BLM: variants seen among roughly 807,000 people sequenced by gnomAD.
BLM encodes BLM RecQ like helicase.
Under a neutral mutation model 135.3 loss-of-function variants are expected in BLM, and 95 were observed. That is an observed-to-expected ratio of 0.70 (90% CI 0.59 to 0.83). The LOEUF is 0.83. Among genes scored for constraint, BLM ranks in the 40% least tolerant of loss-of-function variants. The pLI is 0.00. For missense variants in BLM, 1,518 were observed against 1,663.9 expected (o/e 0.91, Z 1.53); for synonymous variants, 520 against 589.2 (o/e 0.88, Z 1.70).
chr15:90,740,771 G>C (rs1198488319), intron 1 of BLM, among the ~76,000 whole-genome samples: 2 of 152,112 alleles, frequency 1.3e-5, no homozygotes, highest in Non-Finnish European at 2.9e-5. Context: ...TAAGTCTCAC[G>C]AGAGCTGATG....
chr15:90,768,245 C>T (rs1896193034), intron 10 of BLM, among the ~76,000 whole-genome samples: 1 of 152,064 alleles, frequency 6.6e-6, no homozygotes, highest in African/African-American at 2.4e-5. Flanking sequence ...GCCCAGCCCA[C>T]ATATTTATTG....
chr15:90,751,599 C>G (rs1895684596), intron 3 of BLM, among the ~76,000 whole-genome samples, 188 bp from the exon 4 acceptor site: 1 of 152,192 alleles, frequency 6.6e-6, no homozygotes, highest in Non-Finnish European at 1.5e-5. Context: ...GGACTTAATC[C>G]ACTTGACTCA....
intron 11 of BLM, 96 bp downstream of exon 11, chr15:90,769,327 T>C: frequency 6.5e-7 from 1 of 1,539,642 alleles, no homozygotes; most frequent in Non-Finnish European, 9.0e-7. Context: ...AGTGAACGAG[T>C]CTCCTATTTT....
intron 1 of BLM, among the ~76,000 whole-genome samples, chr15:90,740,270 G>C (rs1895330605): frequency 6.6e-6 from 1 of 151,930 alleles, no homozygotes; most frequent in Non-Finnish European, 1.5e-5. Flanking sequence ...GCAATCAGTA[G>C]TCTACACTGT....
intron 16 of BLM, among the ~76,000 whole-genome samples, chr15:90,795,247 G>A (rs767379925): frequency 2.0e-5 from 3 of 152,200 alleles, no homozygotes; most frequent in Non-Finnish European, 4.4e-5. Flanking sequence ...GGGAGGCCGA[G>A]GCAGGAGGAT....
intron 1 of BLM, among the ~76,000 whole-genome samples, chr15:90,745,506 C>CCGAT: frequency 6.6e-6 from 1 of 152,118 alleles, no homozygotes; most frequent in Non-Finnish European, 1.5e-5. Context: ...GCCTCCTAGG[C>CCGAT]TCAAGCAGTC....
chr15:90,749,141 G>A (rs1388883109), intron 2 of BLM, among the ~76,000 whole-genome samples: 1 of 152,100 alleles, frequency 6.6e-6, no homozygotes, highest in Admixed American at 6.5e-5. Flanking sequence ...TAAAGTAGTG[G>A]GAATGACCTC....
At chr15:90,808,855 G>A (rs897671377) in intron 19 of BLM, 4 of 495,200 alleles carry the variant, frequency 8.1e-6, no homozygotes, top group East Asian at 7.5e-5. Flanking sequence ...TCCACTCCAC[G>A]CACATGGCAC....
In BLM at chr15:90,726,555, A is replaced by G. The variant is rs113083889; in HGVS notation, c.-5+9115A>G. On this transcript the variant is annotated intron_variant, in intron 1 of 21. Transcript: ENST00000355112. ...AGTGCTGGGATTACAGGCATGAGCCACCACACCCAGCCAATTTTGTATTCT... is the reference window on the plus strand; with the variant it reads ...AGTGCTGGGATTACAGGCATGAGCCGCCACACCCAGCCAATTTTGTATTCT... Among the ~76,000 whole-genome samples, 984 of 152,302 alleles carry G rather than the reference A, an allele frequency of 6.5e-3. 11 individuals are homozygous for G. Among genetic ancestry groups the G allele is most frequent in the African/African-American group, 0.023 (946 of 41,576 alleles).
Position 90,815,033 on chromosome 15 carries a change from G to C in BLM, c.4077-69G>C. 1 of 1,432,654 alleles carries C rather than the reference G, an allele frequency of 7.0e-7. No individual in the cohort carries two copies. Among genetic ancestry groups the C allele is most frequent in the Non-Finnish European group, 9.5e-7 (1 of 1,055,802 alleles). The allele number at this position is 1,432,654 out of a possible 1,614,324, so 88.7% of individuals were successfully genotyped here. Reference sequence around the variant, plus strand: ...GGAAGTGGTATTGTAGCTCTGTGCAGGTTGAGAGGAAGGTCATTCATTTTT... The same window carrying C: ...GGAAGTGGTATTGTAGCTCTGTGCACGTTGAGAGGAAGGTCATTCATTTTT... On this transcript the variant is annotated intron_variant, in intron 21 of 21. Coordinates refer to ENST00000355112, the MANE Select transcript of BLM (RefSeq NM_000057.4). This position sits in a 1 kb window ranked among gnomAD's most constrained non-coding sequence, Gnocchi z 4.6.
At chr15:90,801,387 C>T (rs1897162900) in intron 17 of BLM, among the ~76,000 whole-genome samples, 1 of 152,064 alleles carries the variant, frequency 6.6e-6, no homozygotes, top group African/African-American at 2.4e-5. Context: ...AGTAAAAGTA[C>T]AATCGCTAAA....
At chr15:90,770,740 G>A (rs1896291105) in intron 12 of BLM, among the ~76,000 whole-genome samples, 1 of 152,162 alleles carries the variant, frequency 6.6e-6, no homozygotes, top group Non-Finnish European at 1.5e-5. Context: ...TTGTTCATTT[G>A]AAAATAAAGA....
intron 19 of BLM, among the ~76,000 whole-genome samples, chr15:90,806,686 G>A (rs1236570367): frequency 1.3e-5 from 2 of 152,142 alleles, no homozygotes; most frequent in Non-Finnish European, 1.5e-5. Context: ...CAGTAGTAGA[G>A]TTCCTGGAAA....
chr15:90,798,078 G>T, intron 16 of BLM, 112 bp from the exon 17 acceptor site: 1 of 923,416 alleles, frequency 1.1e-6, no homozygotes, highest in East Asian at 2.6e-5. Flanking sequence ...TTTGGTCTCG[G>T]TATTGGTCTG....
intron 1 of BLM, among the ~76,000 whole-genome samples, chr15:90,741,352 A>G (rs1412411948): frequency 1.3e-5 from 2 of 152,096 alleles, no homozygotes; most frequent in Non-Finnish European, 2.9e-5. Context: ...GTACACTGAT[A>G]TATTTGGGTG....
chr15:90,775,417 A>G (rs1433184385), intron 12 of BLM, among the ~76,000 whole-genome samples: 1 of 151,042 alleles, frequency 6.6e-6, no homozygotes, highest in African/African-American at 2.4e-5. Context: ...CTGGAAAACT[A>G]TGTACCTCCT....
At chr15:90,780,393 T>C (rs1896590761) in intron 12 of BLM, among the ~76,000 whole-genome samples, 1 of 152,160 alleles carries the variant, frequency 6.6e-6, no homozygotes, top group Admixed American at 6.6e-5. Flanking sequence ...AGGATGTCTT[T>C]TTTCTAATTA....
At chr15:90,763,180 T>C in intron 8 of BLM, 23 bp downstream of exon 8, 1 of 1,610,296 alleles carries the variant, frequency 6.2e-7, no homozygotes, top group Non-Finnish European at 8.5e-7. Flanking sequence ...AGAAGTGAAT[T>C]GGCAGGAATC....
intron 16 of BLM, among the ~76,000 whole-genome samples, chr15:90,796,152 AGTTATC>A: frequency 6.6e-6 from 1 of 152,312 alleles, no homozygotes; most frequent in African/African-American, 2.4e-5. Flanking sequence ...GGAAGGATGG[AGTTATC>A]CTTGGCTAAG....
Sources: allele counts gnomAD v4.1 joint callset (sites outside exome capture counted in the v4.1 genomes callset), GRCh38; gene constraint gnomAD v4.1.1; non-coding constraint Gnocchi (gnomAD v3.1); transcripts MANE v1.5; gene names NCBI Gene and HGNC (gene_info 2026-07-23, HGNC 2026-07-21).